Variants in TDRKH observed in about 807,000 individuals in gnomAD.
The protein encoded by TDRKH is tudor and KH domain-containing protein.
A neutral mutation model predicts 61.3 loss-of-function variants in TDRKH; 28 were observed. The ratio of observed to expected loss-of-function variants is 0.46; its 90% CI spans 0.34 to 0.63. The LOEUF (loss-of-function observed/expected upper bound fraction) is 0.63, where lower values mean the gene tolerates loss of function less well. Among genes scored for constraint, TDRKH ranks in the 20% least tolerant of loss-of-function variants. The pLI is 0.01. For missense variants in TDRKH, 540 were observed against 683.4 expected, an observed-to-expected ratio of 0.79 and a Z score of 2.34; for synonymous variants, 219 against 244.4, an observed-to-expected ratio of 0.90 and a Z score of 0.97.
intron 3 of TDRKH, 29 bp from the exon 4 acceptor site, chr1:151,780,169 A>G (rs1241426967): frequency 6.3e-7 from 1 of 1,596,282 alleles, no homozygotes; most frequent in Non-Finnish European, 8.6e-7. Flanking sequence ...TTGGCAGTAC[A>G]TTCTGGAAGA....
At chr1:151,769,960 C>A (rs1358596803), downstream of TDRKH, 1 of 676,096 alleles carries the variant, frequency 1.5e-6, no homozygotes. Context: ...CAATCCCAGG[C>A]ACTCAGCAGG....
intron 8 of TDRKH, 62 bp downstream of exon 8, chr1:151,776,034 G>A (rs1011643960): frequency 1.3e-6 from 2 of 1,581,022 alleles, no homozygotes; most frequent in Non-Finnish European, 1.7e-6. Context: ...ACTGCCAACA[G>A]CTCACCACCC....
intron 6 of TDRKH, among the ~76,000 whole-genome samples, chr1:151,777,226 T>G (rs1649271079): frequency 6.6e-6 from 1 of 152,100 alleles, no homozygotes; most frequent in Non-Finnish European, 1.5e-5. Context: ...GGGTGGATCA[T>G]TTGAGGCCAG....
rs1649146677 is a variant in TDRKH at position 151,776,106 on chromosome 1, T to G, written c.1207A>C (p.Arg403=). 1.9e-6 allele frequency: 3 copies of G among 1,613,308 alleles called. No homozygotes were observed. The change falls in exon 8 of 13, where the codon AGG becomes CGG. Residue 403 remains arginine (R), a synonymous_variant. Transcript: ENST00000368824. ...GACCTCAGCACTGACCTGAGAGCCC[T>G]GAGGTCCTTCAGTGGGCAATCTCCA... is the stretch of plus-strand genomic sequence containing the variant. The part of the protein sequence containing the change: ...DNGDCPLKDL[R]ALRSDFLSLP...
rs1649594556 is a variant in TDRKH, at chr1:151,779,993, C to G, written c.379G>C (p.Glu127Gln). The change falls in exon 4 of 13, where the codon GAG (glutamate) becomes CAG (glutamine). Residue 127 changes from glutamate (E) to glutamine (Q), a missense_variant. Around this residue, in one of 3 missense-constraint regions of TDRKH, gnomAD observed 156 missense variants for 218.0 expected, o/e 0.72. Transcript: ENST00000368824. ...QILTENTPVS[E>Q]QLSVPQRSVG... ...GATCTCTGGGGAACTGAAAGCTGCT[C>G]AGACACTGGGGTATTCTCTGTCAGG... The G allele has an allele frequency of 6.2e-7, 1 of 1,613,924 alleles. No homozygotes were observed. Among genetic ancestry groups the G allele is most frequent in the African/African-American group, 1.3e-5 (1 of 74,928 alleles).
At position 151,773,725 on chromosome 1, in the gene TDRKH, T is replaced by G. The variant is rs1472524635; in HGVS notation, c.*727A>C. The G allele has an allele frequency of 6.6e-6, 1 of 152,220 alleles. No individual in the cohort carries two copies. 9.4% of individuals were successfully genotyped at this position (152,220 alleles called of 1,614,324 possible). The stretch of plus-strand genomic sequence containing the variant: ...CCTGTCTCCAATAACATATCAGCAA[T>G]TGAGGCTGGGAGGCAGTATTCTCTT... On this transcript the variant is annotated 3_prime_UTR_variant, in exon 13 of 13. Coordinates refer to ENST00000368824, the MANE Select transcript of TDRKH (RefSeq NM_001083965.2).
chr1:151,767,247 A>G, downstream of TDRKH: 1 of 1,614,000 alleles, frequency 6.2e-7, no homozygotes, highest in Non-Finnish European at 8.5e-7. Flanking sequence ...GGCCTCCAGG[A>G]GGGCAAAAGC....
At position 151,773,693 on chromosome 1, in the gene TDRKH, T is replaced by G. The variant is rs1281204950; in HGVS notation, c.*759A>C. 1 of 152,206 alleles carries G rather than the reference T, an allele frequency of 6.6e-6. No homozygotes were observed. The highest frequency in any genetic ancestry group is 1.5e-5 in the Non-Finnish European group (1 of 68,024). 9.4% of individuals were successfully genotyped at this position (152,206 alleles called of 1,614,324 possible). A position where few individuals can be genotyped will look rare whatever the true frequency, so the allele number is the denominator to read the frequency against. On this transcript the variant is annotated 3_prime_UTR_variant, in exon 13 of 13. Coordinates refer to ENST00000368824, the MANE Select transcript of TDRKH (RefSeq NM_001083965.2). ...TTACAGAGAAATAGCTGGAGCAGTT[T>G]CAAAAGCCTGTCTCCAATAACATAT...
downstream of TDRKH, chr1:151,767,997 C>T: frequency 1.3e-6 from 2 of 1,596,402 alleles, no homozygotes; most frequent in Admixed American, 1.7e-5. Context: ...TCAACGGACA[C>T]ACCCCCATCT....
rs542988324 is a variant in TDRKH, at chr1:151,784,367, T to C, written c.-27-1318A>G. On this transcript the variant is annotated intron_variant, in intron 1 of 12. Coordinates refer to ENST00000368824, the MANE Select transcript of TDRKH (RefSeq NM_001083965.2). ...CTTCCTGGATTTCACTTCAACTACT[T>C]CCCATTTCTTTTCTTCCTTTTAAAG... is the stretch of plus-strand genomic sequence containing the variant. Among the ~76,000 whole-genome samples, 7 of 152,308 alleles carry C rather than the reference T, an allele frequency of 4.6e-5. No individual in the cohort carries two copies. The East Asian group carries it at 5.8e-4, about 13-fold the overall frequency.
intron 2 of TDRKH, 184 bp downstream of exon 2, chr1:151,782,715 A>G: frequency 1.7e-6 from 1 of 582,142 alleles, no homozygotes; most frequent in Non-Finnish European, 2.6e-6. Flanking sequence ...CACTACAGTG[A>G]GCCAAGATTG....
chr1:151,788,919 G>A (rs971955785), intron 1 of TDRKH, among the ~76,000 whole-genome samples: 2 of 152,194 alleles, frequency 1.3e-5, no homozygotes, highest in East Asian at 3.8e-4. Context: ...TGCCATGCTT[G>A]TCATTCTTGA....
chr1:151,789,204 A>C (rs1218193587), intron 1 of TDRKH, among the ~76,000 whole-genome samples: 2 of 152,186 alleles, frequency 1.3e-5, no homozygotes, highest in Non-Finnish European at 2.9e-5. Flanking sequence ...TTGAAGCAAA[A>C]GGTAAATTTC....
intron 1 of TDRKH, among the ~76,000 whole-genome samples, chr1:151,785,886 A>T (rs564903347): frequency 6.6e-6 from 1 of 152,246 alleles, no homozygotes; most frequent in South Asian, 2.1e-4. Flanking sequence ...TGAAAACTAA[A>T]TATCTGTATT....
At chr1:151,788,190 T>C (rs928575503) in intron 1 of TDRKH, among the ~76,000 whole-genome samples, 1 of 152,228 alleles carries the variant, frequency 6.6e-6, no homozygotes, top group African/African-American at 2.4e-5. Flanking sequence ...ACCTTAAGGT[T>C]TATTTCTTAG....
chr1:151,777,719 ATTT>A (rs35582886), intron 6 of TDRKH, among the ~76,000 whole-genome samples: 2 of 129,710 alleles, frequency 1.5e-5, no homozygotes, highest in Non-Finnish European at 3.2e-5. Flanking sequence ...AAAATAGTTA[ATTT>A]TTTTTTTTTT....
At chr1:151,771,145 C>T (rs765861816), downstream of TDRKH, 20 of 1,613,732 alleles carry the variant, frequency 1.2e-5, no homozygotes, top group Non-Finnish European at 1.6e-5. Context: ...TGCCCTCCCT[C>T]CCTTGGACAA....
chr1:151,774,550 C>T (rs754219119), intron 12 of TDRKH, 46 bp from the exon 13 acceptor site: 2 of 1,610,218 alleles, frequency 1.2e-6, no homozygotes, highest in Non-Finnish European at 1.7e-6. Context: ...CTGCCCTATT[C>T]TAGCAGGCAA....
At chr1:151,770,974 A>C (rs1648671970), downstream of TDRKH, 1 of 1,478,276 alleles carries the variant, frequency 6.8e-7, no homozygotes, top group Admixed American at 2.4e-5. Context: ...CCTGCACTAC[A>C]CTGCTTCCCA....
Sources: gnomAD v4.1 joint callset for allele counts (sites outside exome capture counted in the v4.1 genomes callset) on GRCh38, gnomAD v4.1.1 for gene constraint, gnomAD v4.1.1 regional missense constraint, MANE v1.5 for transcripts, NCBI Gene and HGNC (gene_info 2026-07-23, HGNC 2026-07-21) for gene names.